TSNAXIP1: variants seen among roughly 807,000 people sequenced by gnomAD.
TSNAXIP1 encodes the protein translin-associated factor X-interacting protein 1.
TSNAXIP1 carries 89 observed loss-of-function variants against 84.8 expected under a neutral mutation model. The observed-to-expected ratio is 1.05, with a 90% CI of 0.88 to 1.25. The LOEUF is 1.25. Ranked by LOEUF, TSNAXIP1 falls within the 50% of genes most tolerant of loss-of-function variation. The pLI is 0.00. For missense variants in TSNAXIP1, 874 were observed against 887.6 expected, an observed-to-expected ratio of 0.98 and a Z score of 0.20; for synonymous variants, 347 against 335.2, an observed-to-expected ratio of 1.04 and a Z score of -0.39.
At chr16:67,824,490 A>G in intron 5 of TSNAXIP1, 93 bp from the exon 6 acceptor site, 1 of 1,248,508 alleles carries the variant, frequency 8.0e-7, no homozygotes, top group South Asian at 1.4e-5. Context: ...GGGGTTTGCA[A>G]GCGACATAGC....
Position 67,820,719 on chromosome 16 carries a change from G to T in TSNAXIP1, c.148-120G>T. ...AGATCGTGCCACCACACTCCAGCCT[G>T]GGCAACAGAGCAAGACTGTCTCAAA... On this transcript the variant is annotated intron_variant, in intron 2 of 15. Transcript: ENST00000561639. 4.5e-6 allele frequency: 3 copies of T among 669,422 alleles called. No individual in the cohort carries two copies. In the South Asian group the frequency reaches 8.5e-5, roughly 19 times the overall value. The allele number at this position is 669,422 out of a possible 1,614,324, so 41.5% of individuals were successfully genotyped here.
At chr16:67,820,612 G>A (rs1240004169) in intron 2 of TSNAXIP1, among the ~76,000 whole-genome samples, 2 of 152,074 alleles carry the variant, frequency 1.3e-5, no homozygotes, top group South Asian at 2.1e-4. Flanking sequence ...GGGTGTGGTG[G>A]TGGGTGCTTG....
Position 67,827,565 on chromosome 16 carries a change from G to A in TSNAXIP1, c.1884G>A (p.Glu628=). The A allele has an allele frequency of 6.2e-7, 1 of 1,614,210 alleles. No homozygotes were observed. The highest frequency in any genetic ancestry group is 8.5e-7 in the Non-Finnish European group (1 of 1,180,032). The change falls in exon 15 of 16, where the codon GAG becomes GAA. Residue 628 remains glutamate, a synonymous_variant. Coordinates refer to ENST00000561639, the MANE Select transcript of TSNAXIP1 (RefSeq NM_001288990.3). ...KDEYLQQLKQ[E]LGIELHEEVT... ...AGTACTTACAGCAGCTAAAGCAGGAGCTTGGCATAGAACTGTGAGTGACCC... is the reference window on the plus strand; with the variant it reads ...AGTACTTACAGCAGCTAAAGCAGGAACTTGGCATAGAACTGTGAGTGACCC...
Position 67,824,676 on chromosome 16 carries a change from G to T in TSNAXIP1, c.575G>T (p.Arg192Ile). Reference protein sequence around the residue: ...EDCNERILAMRAEEKYEISLL... With the variant: ...EDCNERILAMIAEEKYEISLL... ...TGCAATGAGAGGATCCTGGCCATGAGAGCTGAGGAGAAATATGAAATCTCC... is the reference window on the plus strand; with the variant it reads ...TGCAATGAGAGGATCCTGGCCATGATAGCTGAGGAGAAATATGAAATCTCC... The change falls in exon 6 of 16, where the codon AGA (arginine) becomes ATA (isoleucine). Residue 192 changes from arginine to isoleucine, a missense_variant. Coordinates refer to ENST00000561639, the MANE Select transcript of TSNAXIP1 (RefSeq NM_001288990.3). 1 of 1,614,194 alleles carries T rather than the reference G, an allele frequency of 6.2e-7. No individual in the cohort carries two copies. The highest frequency in any genetic ancestry group is 8.5e-7 in the Non-Finnish European group (1 of 1,180,040).
At chr16:67,812,931 T>G (rs1475106166) in intron 1 of TSNAXIP1, among the ~76,000 whole-genome samples, 3 of 151,956 alleles carry the variant, frequency 2.0e-5, no homozygotes, top group African/African-American at 7.2e-5. Context: ...TTTTTTTTGT[T>G]TTGCTTTCAG....
intron 2 of TSNAXIP1, among the ~76,000 whole-genome samples, chr16:67,816,160 G>T (rs2056536088): frequency 6.6e-6 from 1 of 151,648 alleles, no homozygotes; most frequent in Admixed American, 6.6e-5. Context: ...GTAGAGATGG[G>T]GTTTTACCGT....
intron 2 of TSNAXIP1, among the ~76,000 whole-genome samples, chr16:67,817,664 G>C (rs1598036465): frequency 6.6e-6 from 1 of 150,836 alleles, no homozygotes; most frequent in South Asian, 2.1e-4. Context: ...GGCCGAAGTG[G>C]GTGGATCACC....
chr16:67,825,898 C>T lies in TSNAXIP1; in HGVS notation c.985-19C>T. 4 of 1,614,044 alleles carry T rather than the reference C, an allele frequency of 2.5e-6. No individual in the cohort carries two copies. Among genetic ancestry groups the T allele is most frequent in the Non-Finnish European group, 3.4e-6 (4 of 1,180,018 alleles). ...GGGTCTCACAGGTGGGGGGCCAGGG[C>T]CAATGTCCTTGCCCACAGCTGGACA... is the stretch of plus-strand genomic sequence containing the variant. On this transcript the variant is annotated intron_variant, in intron 8 of 15. Transcript: ENST00000561639.
chr16:67,824,833 C>G (rs557023246), intron 6 of TSNAXIP1, 54 bp downstream of exon 6: 3 of 1,561,022 alleles, frequency 1.9e-6, no homozygotes, highest in Non-Finnish European at 2.6e-6. Flanking sequence ...GCCAACTCCA[C>G]GACAAGGGTG....
At chr16:67,825,639 C>G (rs756070478) in intron 7 of TSNAXIP1, 28 bp from the exon 8 acceptor site, 1 of 1,589,634 alleles carries the variant, frequency 6.3e-7, no homozygotes. Context: ...CACGGTGACA[C>G]GGGCTGGTGG....
At chr16:67,809,809 G>A (rs939107786) in intron 1 of TSNAXIP1, among the ~76,000 whole-genome samples, 2 of 150,760 alleles carry the variant, frequency 1.3e-5, no homozygotes, top group African/African-American at 2.4e-5. Flanking sequence ...CTAGCCAGGC[G>A]GTAGTGGCAT....
rs892993003 is a variant in TSNAXIP1 at position 67,819,328 on chromosome 16, C to T, written c.148-1511C>T. Among the ~76,000 whole-genome samples the T allele has an allele frequency of 2.7e-5, 4 of 150,222 alleles. No individual in the cohort carries two copies. The South Asian group carries it at 8.4e-4, about 31-fold the overall frequency. ...GGTCGATCCCAGCTCACTGCAACCT[C>T]TGCCTCCCGAGTTCAAGCGATTCTC... On this transcript the variant is annotated intron_variant, in intron 2 of 15. Transcript: ENST00000561639.
At position 67,820,946 on chromosome 16, in the gene TSNAXIP1, A is replaced by T. The variant is rs1348660727; in HGVS notation, c.255A>T (p.Arg85=). 6.3e-7 allele frequency: 1 copy of T among 1,598,188 alleles called. No homozygotes were observed. Residue 85 remains arginine, a synonymous_variant, in exon 3 of 16, where the codon CGA becomes CGT. Transcript: ENST00000561639. ...RKPCSDDYRK[R]VGSCQQHPFR... is the part of the protein sequence containing the mutation. The stretch of plus-strand genomic sequence containing the variant: ...CCTGTTCAGATGACTACCGGAAGCG[A>T]GTAGGGTAAGCCAGGGTCAGTCCCA...
intron 12 of TSNAXIP1, 50 bp from the exon 13 acceptor site, chr16:67,826,913 C>T (rs375177747): frequency 1.4e-5 from 22 of 1,612,204 alleles, no homozygotes; most frequent in Middle Eastern, 1.6e-4. Context: ...ACCAGCTTTG[C>T]CCCCACCACT....
At chr16:67,813,731 C>CAAAA (rs373627128) in intron 1 of TSNAXIP1, among the ~76,000 whole-genome samples, 2 of 41,178 alleles carry the variant, frequency 4.9e-5, no homozygotes, top group African/African-American at 9.9e-5. Context: ...GACTCCGTCT[C>CAAAA]AAAAAAAAAA....
chr16:67,825,892 C>T (rs1248085203), intron 8 of TSNAXIP1, 25 bp from the exon 9 acceptor site: 2 of 1,613,974 alleles, frequency 1.2e-6, no homozygotes, highest in Non-Finnish European at 1.7e-6. Context: ...AGGTGGGGGG[C>T]CAGGGCCAAT....
Position 67,824,567 on chromosome 16 carries a change from A to G in TSNAXIP1, c.482-16A>G. On this transcript the variant is annotated splice_polypyrimidine_tract_variant and intron_variant, in intron 5 of 15. Transcript: ENST00000561639. ...TCCATGGCCCCAAAGCAGCTCTCCC[A>G]CCTGTCTCTGCTTAGCCCACCAAAG... 6.2e-7 allele frequency: 1 copy of G among 1,611,384 alleles called. No homozygotes were observed. The highest frequency in any genetic ancestry group is 8.5e-7 in the Non-Finnish European group (1 of 1,178,678).
intron 7 of TSNAXIP1, 46 bp downstream of exon 7, chr16:67,825,318 G>T (rs1434070454): frequency 6.2e-7 from 1 of 1,607,774 alleles, no homozygotes; most frequent in East Asian, 2.2e-5. Context: ...CTGAGACGCT[G>T]GAAGACTCTG....
At chr16:67,815,313 CAAAAAAA>C (rs561529036) in intron 2 of TSNAXIP1, among the ~76,000 whole-genome samples, 1 of 50,040 alleles carries the variant, frequency 2.0e-5, no homozygotes, top group Non-Finnish European at 4.4e-5. Context: ...GACTACATCT[CAAAAAAA>C]AAAAAAAAAA....
Sources: gnomAD v4.1 joint callset for allele counts (sites outside exome capture counted in the v4.1 genomes callset) on GRCh38, gnomAD v4.1.1 for gene constraint, MANE v1.5 for transcripts, NCBI Gene and HGNC (gene_info 2026-07-23, HGNC 2026-07-21) for gene names.